SLC17A1: variants seen among roughly 807,000 people sequenced by gnomAD.
SLC17A1 encodes the protein sodium-dependent phosphate transport protein 1.
SLC17A1 carries 51 observed loss-of-function variants against 53.5 expected under a neutral mutation model. That is an observed-to-expected ratio of 0.95 (90% confidence interval 0.76 to 1.20). SLC17A1 has a LOEUF of 1.20. Among genes scored for constraint, SLC17A1 ranks in the 50% most tolerant of loss-of-function variants. SLC17A1 has a pLI of 0.00. For synonymous variants in SLC17A1, 179 were observed against 198.8 expected (o/e 0.90, Z 0.84); for missense variants, 538 against 568.2 (o/e 0.95, Z 0.54).
At chr6:25,820,978 C>A (rs1440048616) in intron 3 of SLC17A1, among the ~76,000 whole-genome samples, 1 of 151,050 alleles carries the variant, frequency 6.6e-6, no homozygotes, top group Non-Finnish European at 1.5e-5. Flanking sequence ...GACGAGGTTG[C>A]ACAAGTTTTT....
the SLC17A1 span, among the ~76,000 whole-genome samples, chr6:25,764,297 G>A: frequency 6.6e-6 from 1 of 152,140 alleles, no homozygotes; most frequent in African/African-American, 2.4e-5. Context: ...GGGTGGGAAA[G>A]GCACTGAGAA....
the SLC17A1 span, among the ~76,000 whole-genome samples, chr6:25,735,417 A>C: frequency 6.6e-6 from 1 of 152,226 alleles, no homozygotes. Context: ...TTAAGTGAGC[A>C]ATCATGCTCT....
chr6:25,755,436 C>G, the SLC17A1 span, among the ~76,000 whole-genome samples: 409 of 152,312 alleles, frequency 2.7e-3, 4 homozygotes, highest in African/African-American at 8.5e-3. Flanking sequence ...CTGAGACCAC[C>G]TAAGATGACA....
At chr6:25,744,223 C>A in the SLC17A1 span, among the ~76,000 whole-genome samples, 1 of 152,172 alleles carries the variant, frequency 6.6e-6, no homozygotes, top group South Asian at 2.1e-4. Flanking sequence ...AAAAAGTAGA[C>A]ATCCAAGGCT....
the SLC17A1 span, among the ~76,000 whole-genome samples, chr6:25,742,534 G>A: frequency 6.7e-6 from 1 of 149,294 alleles, no homozygotes; most frequent in Admixed American, 6.6e-5. Context: ...AAAACAGATG[G>A]GTGTGGTGGT....
chr6:25,727,300 A>G, the SLC17A1 span: 7 of 1,577,358 alleles, frequency 4.4e-6, no homozygotes, highest in Non-Finnish European at 6.0e-6. Flanking sequence ...TAAGCCTGCT[A>G]AGTAAACGTC....
the SLC17A1 span, chr6:25,726,695 A>C: frequency 4.7e-6 from 5 of 1,069,802 alleles, no homozygotes; most frequent in Non-Finnish European, 6.7e-6. Context: ...GCCACTTCCC[A>C]TTGTCCAATC....
In SLC17A1 at chr6:25,819,668, C is replaced by T. The variant is rs2151500082; in HGVS notation, c.441+14G>A. On this transcript the variant is annotated intron_variant, in intron 4 of 12. Transcript: ENST00000244527. ...GAATTTAAACTCTGTTCAGTTTTAG[C>T]ATTATTTTAATACCTGGGCTGCTCC... The T allele has an allele frequency of 1.2e-6, 2 of 1,612,990 alleles. No individual in the cohort carries two copies. Among genetic ancestry groups the T allele is most frequent in the Non-Finnish European group, 1.7e-6 (2 of 1,179,080 alleles).
intron 10 of SLC17A1, among the ~76,000 whole-genome samples, chr6:25,805,081 G>A (rs1361917943): frequency 6.6e-6 from 1 of 151,906 alleles, no homozygotes; most frequent in East Asian, 1.9e-4. Context: ...CAGAATATAC[G>A]GTCCTCTTAT....
Position 25,813,103 on chromosome 6 carries a change from C to T in SLC17A1, c.727G>A (p.Val243Ile). 1 of 1,613,734 alleles carries T rather than the reference C, an allele frequency of 6.2e-7. No individual in the cohort carries two copies. Among genetic ancestry groups the T allele is most frequent in the Non-Finnish European group, 8.5e-7 (1 of 1,179,654 alleles). ...SEKEYITSSL[V>I]QQVSSSRQSL... ...GGAGAACTGTGTTCTACCTGCTGGA[C>T]CAGGGAGGATGTGATGTATTCCTTT... Residue 243 changes from valine (V) to isoleucine (I), a missense_variant, in exon 7 of 13, where the codon GTC becomes ATC. Coordinates refer to ENST00000244527, the MANE Select transcript of SLC17A1 (RefSeq NM_005074.5).
chr6:25,779,152 G>A, downstream of SLC17A1: 1 of 1,613,874 alleles, frequency 6.2e-7, no homozygotes, highest in Non-Finnish European at 8.5e-7. Context: ...CAGATGTGCA[G>A]GACTGGGCTA....
chr6:25,725,663 A>G, the SLC17A1 span, among the ~76,000 whole-genome samples: 1 of 152,140 alleles, frequency 6.6e-6, no homozygotes, highest in African/African-American at 2.4e-5. Flanking sequence ...GGAGCAATCA[A>G]TCTTCGTTCA....
chr6:25,792,436 T>C (rs1159728585), intron 12 of SLC17A1, among the ~76,000 whole-genome samples: 2 of 151,730 alleles, frequency 1.3e-5, no homozygotes, highest in East Asian at 3.9e-4. Context: ...CAGACCAGTC[T>C]ACAAGTCTTC....
chr6:25,828,105 C>T (rs928793626), intron 2 of SLC17A1, among the ~76,000 whole-genome samples: 1 of 152,080 alleles, frequency 6.6e-6, no homozygotes, highest in Admixed American at 6.6e-5. Context: ...ACTTTTACCA[C>T]GTAATGGTGG....
intron 2 of SLC17A1, among the ~76,000 whole-genome samples, chr6:25,828,112 G>C (rs1425588969): frequency 6.6e-6 from 1 of 152,188 alleles, no homozygotes; most frequent in African/African-American, 2.4e-5. Flanking sequence ...CCACGTAATG[G>C]TGGAACAGGT....
chr6:25,794,823 G>C (rs1312159698), intron 12 of SLC17A1, among the ~76,000 whole-genome samples: 3 of 152,208 alleles, frequency 2.0e-5, no homozygotes, highest in Non-Finnish European at 2.9e-5. Context: ...TGGTATGCCA[G>C]GCATATTGGC....
Position 25,799,000 on chromosome 6 carries a change from A to G in SLC17A1, c.1270-81T>C, listed in dbSNP as rs1001646728. ...GTAATGTTTAAAATGTAATATTAAAAATGTAGACTCAAGTCACGTAACAAA... is the reference window on the plus strand; with the variant it reads ...GTAATGTTTAAAATGTAATATTAAAGATGTAGACTCAAGTCACGTAACAAA... On this transcript the variant is annotated intron_variant, in intron 11 of 12. Transcript: ENST00000244527. 9 of 1,320,404 alleles carry G rather than the reference A, an allele frequency of 6.8e-6. No homozygotes were observed. The African/African-American group carries it at 8.8e-5, about 13-fold the overall frequency. The allele number at this position is 1,320,404 out of a possible 1,614,324, so 81.8% of individuals were successfully genotyped here. A position where few individuals can be genotyped will look rare whatever the true frequency, so the allele number is the denominator to read the frequency against.
the SLC17A1 span, among the ~76,000 whole-genome samples, chr6:25,775,832 T>G: frequency 6.6e-6 from 1 of 152,134 alleles, no homozygotes; most frequent in Non-Finnish European, 1.5e-5. Flanking sequence ...ACAGTATACT[T>G]AGTAATATGC....
the SLC17A1 span, among the ~76,000 whole-genome samples, chr6:25,749,364 A>G: frequency 2.6e-5 from 4 of 152,242 alleles, no homozygotes; most frequent in Non-Finnish European, 4.4e-5. Flanking sequence ...GTTACAGATT[A>G]ACAGCATCTC....
Sources: allele counts gnomAD v4.1 joint callset (sites outside exome capture counted in the v4.1 genomes callset), GRCh38; gene constraint gnomAD v4.1.1; transcripts MANE v1.5; gene names NCBI Gene and HGNC (gene_info 2026-07-23, HGNC 2026-07-21).